FHOD3: variants seen among roughly 807,000 people sequenced by gnomAD.
The protein encoded by FHOD3 is formin homology 2 domain containing 3, also known as FH1/FH2 domain-containing protein 3.
Under a neutral mutation model 173.0 loss-of-function variants are expected in FHOD3, and 90 were observed. That is an observed-to-expected ratio of 0.52 (90% CI 0.44 to 0.62). FHOD3 has a LOEUF of 0.62. FHOD3 is among the 20% of genes least tolerant of loss of function. FHOD3 has a pLI of 0.00. For missense variants in FHOD3, 1,945 were observed against 2,034.7 expected, an observed-to-expected ratio of 0.96 and a Z score of 0.85; for synonymous variants, 828 against 823.0, an observed-to-expected ratio of 1.01 and a Z score of -0.10.
At chr18:36,648,495 C>T (rs560864561) in intron 10 of FHOD3, among the ~76,000 whole-genome samples, 139 of 152,290 alleles carry the variant, frequency 9.1e-4, no homozygotes, top group Non-Finnish European at 1.8e-3. Context: ...CCCTAAGCAA[C>T]AACGAGAATT....
intron 27 of FHOD3, among the ~76,000 whole-genome samples, chr18:36,766,867 A>G (rs2043160908): frequency 6.6e-6 from 1 of 152,192 alleles, no homozygotes; most frequent in African/African-American, 2.4e-5. Context: ...AGCAAAGACA[A>G]TTTATTGAGC....
chr18:36,457,150 T>C (rs1242737456), intron 3 of FHOD3, among the ~76,000 whole-genome samples: 1 of 152,098 alleles, frequency 6.6e-6, no homozygotes, highest in Non-Finnish European at 1.5e-5. Flanking sequence ...TGCATGTGCC[T>C]TGGCTGAGAG....
At chr18:36,428,504 C>T (rs980197394) in intron 3 of FHOD3, among the ~76,000 whole-genome samples, 2 of 151,992 alleles carry the variant, frequency 1.3e-5, no homozygotes, top group African/African-American at 2.4e-5. Context: ...GCAGGGGTGT[C>T]GTGGAAAAGA....
intron 1 of FHOD3, among the ~76,000 whole-genome samples, chr18:36,341,051 C>T (rs1041402047): frequency 6.6e-6 from 1 of 152,190 alleles, no homozygotes; most frequent in East Asian, 1.9e-4. Flanking sequence ...AACAATGTCT[C>T]ATGAGCCAGG....
intron 3 of FHOD3, among the ~76,000 whole-genome samples, chr18:36,498,914 A>G (rs1383783117): frequency 6.6e-6 from 1 of 152,232 alleles, no homozygotes; most frequent in Non-Finnish European, 1.5e-5. Flanking sequence ...AATGATCAGA[A>G]CACAACTAAT....
intron 11 of FHOD3, among the ~76,000 whole-genome samples, 163 bp downstream of exon 11, chr18:36,649,568 A>C (rs932510549): frequency 6.6e-6 from 1 of 152,174 alleles, no homozygotes; most frequent in Non-Finnish European, 1.5e-5. Flanking sequence ...GTTTTGTAGA[A>C]ATACCTGAGC....
At chr18:36,773,785 A>G (rs1276317735) in intron 28 of FHOD3, among the ~76,000 whole-genome samples, 1 of 152,032 alleles carries the variant, frequency 6.6e-6, no homozygotes, top group Non-Finnish European at 1.5e-5. Context: ...TCCCCACCAC[A>G]CTGTCCACTT....
intron 10 of FHOD3, among the ~76,000 whole-genome samples, chr18:36,630,649 G>C (rs16968079): frequency 6.6e-6 from 1 of 152,210 alleles, no homozygotes; most frequent in South Asian, 2.1e-4. Context: ...TCACGAACCT[G>C]TTCAGAGGAA....
intron 8 of FHOD3, 23 bp from the exon 9 acceptor site, chr18:36,611,929 A>G: frequency 6.2e-7 from 1 of 1,608,994 alleles, no homozygotes; most frequent in Non-Finnish European, 8.5e-7. Context: ...GTGTCTCTGT[A>G]GCTGGTTCTT....
chr18:36,486,092 A>G (rs2054178052), intron 3 of FHOD3, among the ~76,000 whole-genome samples: 1 of 152,124 alleles, frequency 6.6e-6, no homozygotes, highest in African/African-American at 2.4e-5. Context: ...TCATCTTTGT[A>G]TACTTAGCAG....
At chr18:36,533,121 C>T (rs1451499263) in intron 5 of FHOD3, among the ~76,000 whole-genome samples, 1 of 152,196 alleles carries the variant, frequency 6.6e-6, no homozygotes, top group Non-Finnish European at 1.5e-5. Flanking sequence ...CATGAAGGAC[C>T]TTAGAACTTG....
chr18:36,484,840 G>A lies in FHOD3; in HGVS notation c.338-17092G>A, dbSNP rs1053640084. 2.0e-5 allele frequency among the ~76,000 whole-genome samples: 3 copies of A among 152,254 alleles called. No homozygotes were observed. In the East Asian group the frequency reaches 5.8e-4, roughly 29 times the overall value. On this transcript the variant is annotated intron_variant, in intron 3 of 28. Transcript: ENST00000590592. ...TGCCTGTGGCTCTGGTGTGTGTGGA[G>A]GAAGGGGAAGCCTAAGGGAGAACTC...
intron 10 of FHOD3, among the ~76,000 whole-genome samples, chr18:36,646,334 CTG>C (rs1004296748): frequency 6.6e-6 from 1 of 152,074 alleles, no homozygotes; most frequent in African/African-American, 2.4e-5. Flanking sequence ...TCTAAGACCT[CTG>C]TGAAAATTTA....
At chr18:36,693,769 C>T (rs1053631233) in intron 17 of FHOD3, among the ~76,000 whole-genome samples, 16 of 152,190 alleles carry the variant, frequency 1.1e-4, no homozygotes, top group African/African-American at 3.9e-4. Context: ...ATCAAGTGAC[C>T]AACATTCGAA....
At chr18:36,396,877 T>TA (rs2048578061) in intron 3 of FHOD3, among the ~76,000 whole-genome samples, 1 of 47,576 alleles carries the variant, frequency 2.1e-5, no homozygotes, top group African/African-American at 9.8e-5. Flanking sequence ...TTGGTTCACA[T>TA]TTTTTTTTTA....
In FHOD3 at chr18:36,424,480, A is replaced by G. The variant is rs79360081; in HGVS notation, c.337+51736A>G. On this transcript the variant is annotated intron_variant, in intron 3 of 28. Coordinates refer to ENST00000590592, the MANE Select transcript of FHOD3 (RefSeq NM_001281740.3). ...TCCCCTCTCCTCCTCCTTCCCTGGTAGAATGTCAGTACGTGAGGGCAGAGC... is the reference window on the plus strand; with the variant it reads ...TCCCCTCTCCTCCTCCTTCCCTGGTGGAATGTCAGTACGTGAGGGCAGAGC... Among the ~76,000 whole-genome samples the G allele has an allele frequency of 7.9e-5, 12 of 152,174 alleles. No individual in the cohort carries two copies. In the East Asian group the frequency reaches 2.1e-3, roughly 27 times the overall value.
At chr18:36,567,319 A>G (rs543825178) in intron 5 of FHOD3, among the ~76,000 whole-genome samples, 87 of 152,352 alleles carry the variant, frequency 5.7e-4, no homozygotes, top group African/African-American at 1.8e-3. Flanking sequence ...GGGAAAAAGA[A>G]GAGAAAGGAT....
intron 3 of FHOD3, among the ~76,000 whole-genome samples, chr18:36,388,272 A>G (rs1403303587): frequency 1.3e-5 from 2 of 152,180 alleles, no homozygotes; most frequent in Admixed American, 1.3e-4. Flanking sequence ...CTAAACAGGA[A>G]AAGCGAAACA....
At chr18:36,731,074 C>A (rs1438358011) in intron 20 of FHOD3, among the ~76,000 whole-genome samples, 2 of 152,166 alleles carry the variant, frequency 1.3e-5, no homozygotes, top group Non-Finnish European at 2.9e-5. Context: ...ACTATGATAA[C>A]CTCCTTGGGA....
Sources: allele counts gnomAD v4.1 joint callset (sites outside exome capture counted in the v4.1 genomes callset), GRCh38; gene constraint gnomAD v4.1.1; transcripts MANE v1.5; gene names NCBI Gene and HGNC (gene_info 2026-07-23, HGNC 2026-07-21).